Variants in TYR observed in about 807,000 individuals in gnomAD.
The protein encoded by TYR is LB24-AB.
Under a neutral mutation model 51.5 loss-of-function variants are expected in TYR, and 58 were observed. The ratio of observed to expected loss-of-function variants is 1.13; its 90% CI spans 0.91 to 1.40. TYR has a LOEUF of 1.40. Among genes scored for constraint, TYR ranks in the 40% most tolerant of loss-of-function variants. TYR has a pLI of 0.00. For synonymous variants in TYR, 263 were observed against 235.2 expected, an observed-to-expected ratio of 1.12 and a Z score of -1.08; for missense variants, 732 against 647.4, an observed-to-expected ratio of 1.13 and a Z score of -1.42.
At chr11:89,257,752 G>A (rs1358402214) in intron 3 of TYR, among the ~76,000 whole-genome samples, 1 of 152,008 alleles carries the variant, frequency 6.6e-6, no homozygotes, top group Non-Finnish European at 1.5e-5. Flanking sequence ...CACTCAGCCA[G>A]CATTTCAGCT....
At chr11:89,253,104 G>C (rs898586239) in intron 3 of TYR, among the ~76,000 whole-genome samples, 7 of 151,688 alleles carry the variant, frequency 4.6e-5, no homozygotes, top group Non-Finnish European at 8.9e-5. Flanking sequence ...ATTTCAGCTG[G>C]ATTAGAATTT....
chr11:89,236,585 G>A (rs965161375), intron 3 of TYR, among the ~76,000 whole-genome samples: 3 of 152,260 alleles, frequency 2.0e-5, no homozygotes, highest in South Asian at 2.1e-4. Context: ...GAAAGCTAGA[G>A]AACTGTGGGT....
rs752062836 is a variant in TYR at position 89,191,268 on chromosome 11, C to T, written c.886C>T (p.Pro296Ser). 76 of 1,613,588 alleles carry T rather than the reference C, an allele frequency of 4.7e-5. No homozygotes were observed. In the South Asian group the frequency reaches 7.9e-4, roughly 17 times the overall value. ...QSLCNGTPEG[P>S]LRRNPGNHDK... Reference sequence around the variant, plus strand: ...TTTATGCAATGGAACGCCCGAGGGACCTTTACGGCGTAATCCTGGAAACCA... The same window carrying T: ...TTTATGCAATGGAACGCCCGAGGGATCTTTACGGCGTAATCCTGGAAACCA... Residue 296 changes from proline to serine, a missense_variant, in exon 2 of 5, where the codon CCT (proline) becomes TCT (serine). By Grantham distance (74) the Pro-to-Ser change is moderately conservative. Transcript: ENST00000263321.
rs747032303 is a variant in TYR, at chr11:89,227,804, A to AT, written c.1037-10dup. On this transcript the variant is annotated intron_variant, in intron 2 of 4. Transcript: ENST00000263321. Reference sequence around the variant, plus strand: ...TCATTAAAGTAAACATATTTTTTTCATTTTTTTTTAATGAACAGGATTTGC... The same window carrying AT: ...TCATTAAAGTAAACATATTTTTTTCATTTTTTTTTTAATGAACAGGATTTGC... The AT allele has an allele frequency of 8.4e-4, 1,259 of 1,506,156 alleles. No individual in the cohort carries two copies. The highest frequency in any genetic ancestry group is 1.1e-3 in the Middle Eastern group (6 of 5,710). The allele number at this position is 1,506,156 out of a possible 1,614,324, so 93.3% of individuals were successfully genotyped here.
At position 89,231,449 on chromosome 11, in the gene TYR, C is replaced by T. The variant is rs2135284611; in HGVS notation, c.1184+3479C>T. On this transcript the variant is annotated intron_variant, in intron 3 of 4. Coordinates refer to ENST00000263321, the MANE Select transcript of TYR (RefSeq NM_000372.5). ...AATGTGGTATATATACACAATGGAACACTATTCTGCCATAAAAAAGGAAAA... is the reference window on the plus strand; with the variant it reads ...AATGTGGTATATATACACAATGGAATACTATTCTGCCATAAAAAAGGAAAA... 1.4e-5 allele frequency among the ~76,000 whole-genome samples: 2 copies of T among 142,638 alleles called. 1 individual carries two copies. The highest frequency in any genetic ancestry group is 5.6e-5 in the African/African-American group (2 of 35,966). The allele number at this position is 142,638 out of a possible 152,430, so 93.6% of individuals were successfully genotyped here. A position where few individuals can be genotyped will look rare whatever the true frequency, so the allele number is the denominator to read the frequency against.
At chr11:89,261,284 G>C (rs1167130320) in intron 3 of TYR, among the ~76,000 whole-genome samples, 3 of 151,960 alleles carry the variant, frequency 2.0e-5, no homozygotes, top group African/African-American at 7.3e-5. Flanking sequence ...GACACAAATT[G>C]GCTAACTGGA....
intron 2 of TYR, among the ~76,000 whole-genome samples, chr11:89,223,438 A>AACAT (rs1313029906): frequency 6.6e-6 from 1 of 152,106 alleles, no homozygotes; most frequent in African/African-American, 2.4e-5. Flanking sequence ...AAACTCTATG[A>AACAT]AAAGATAAAA....
intron 3 of TYR, among the ~76,000 whole-genome samples, chr11:89,243,865 T>C (rs1944232360): frequency 6.6e-6 from 1 of 152,132 alleles, no homozygotes; most frequent in African/African-American, 2.4e-5. Context: ...ATATTTATTA[T>C]TTATTATTAA....
intron 3 of TYR, among the ~76,000 whole-genome samples, chr11:89,236,294 A>G (rs560578149): frequency 2.0e-5 from 3 of 152,054 alleles, no homozygotes; most frequent in South Asian, 2.1e-4. Flanking sequence ...TAGCCCACCT[A>G]TATTTAAAGA....
At chr11:89,208,226 C>T (rs1447497486) in intron 2 of TYR, among the ~76,000 whole-genome samples, 9 of 152,088 alleles carry the variant, frequency 5.9e-5, no homozygotes, top group Non-Finnish European at 7.4e-5. Context: ...GTGGAGATCG[C>T]GCCATGGCAC....
At chr11:89,223,217 C>A (rs1230014303) in intron 2 of TYR, among the ~76,000 whole-genome samples, 1 of 152,126 alleles carries the variant, frequency 6.6e-6, no homozygotes, top group African/African-American at 2.4e-5. Context: ...TGATAATATT[C>A]ATATCACAAG....
At chr11:89,207,329 G>A (rs116806547) in intron 2 of TYR, among the ~76,000 whole-genome samples, 1,909 of 152,174 alleles carry the variant, frequency 0.013, 41 homozygotes, top group African/African-American at 0.042. Flanking sequence ...TAATAAAAGC[G>A]TACTATGAGC....
At chr11:89,199,263 T>A (rs1943566296) in intron 2 of TYR, among the ~76,000 whole-genome samples, 1 of 152,196 alleles carries the variant, frequency 6.6e-6, no homozygotes, top group Non-Finnish European at 1.5e-5. Context: ...ATCCTTTGGG[T>A]ATATACCCAG....
At position 89,227,813 on chromosome 11, in the gene TYR, T is replaced by TA. The variant is rs748447644; in HGVS notation, c.1037-8dup. On this transcript the variant is annotated splice_polypyrimidine_tract_variant and intron_variant, in intron 2 of 4. Coordinates refer to ENST00000263321, the MANE Select transcript of TYR (RefSeq NM_000372.5). ...TAAACATATTTTTTTCATTTTTTTT[T>TA]AATGAACAGGATTTGCTAGTCCACT... is the stretch of plus-strand genomic sequence containing the variant. 6.2e-7 allele frequency: 1 copy of TA among 1,611,028 alleles called. No homozygotes were observed. The highest frequency in any genetic ancestry group is 2.2e-5 in the East Asian group (1 of 44,802).
intron 3 of TYR, among the ~76,000 whole-genome samples, chr11:89,239,156 G>A (rs2135289856): frequency 6.6e-6 from 1 of 152,224 alleles, no homozygotes; most frequent in East Asian, 1.9e-4. Flanking sequence ...TGATGGATTT[G>A]TATTAGTTCT....
rs546753854 is a variant in TYR at position 89,286,694 on chromosome 11, G to A, written c.1366+1740G>A. On this transcript the variant is annotated intron_variant, in intron 4 of 4. Coordinates refer to ENST00000263321, the MANE Select transcript of TYR (RefSeq NM_000372.5). ...AACTTTTCTGCTTTATCTGAAGACT[G>A]TAGCCAATGCACAAAATGCTAACAC... 1.2e-4 allele frequency among the ~76,000 whole-genome samples: 18 copies of A among 151,896 alleles called. No homozygotes were observed. The South Asian group carries it at 3.5e-3, about 30-fold the overall frequency.
At chr11:89,240,731 C>G (rs530115689) in intron 3 of TYR, among the ~76,000 whole-genome samples, 1 of 152,068 alleles carries the variant, frequency 6.6e-6, no homozygotes, top group African/African-American at 2.4e-5. Flanking sequence ...TGGATAATCT[C>G]TTTTTGAAGA....
intron 1 of TYR, among the ~76,000 whole-genome samples, chr11:89,190,887 C>T (rs1943434546): frequency 6.6e-6 from 1 of 152,094 alleles, no homozygotes; most frequent in African/African-American, 2.4e-5. Flanking sequence ...TTACAATTGC[C>T]TATAGTATTC....
At chr11:89,231,083 A>T (rs1944041069) in intron 3 of TYR, among the ~76,000 whole-genome samples, 1 of 146,806 alleles carries the variant, frequency 6.8e-6, no homozygotes, top group South Asian at 2.2e-4. Flanking sequence ...AGGCACGAGA[A>T]TTGTTTTAAC....
Sources: allele counts gnomAD v4.1 joint callset (sites outside exome capture counted in the v4.1 genomes callset), GRCh38; gene constraint gnomAD v4.1.1; transcripts MANE v1.5; gene names NCBI Gene and HGNC (gene_info 2026-07-23, HGNC 2026-07-21).